The following AVL9 variants were observed in gnomAD, a reference collection of about 807,000 sequenced individuals.
The protein encoded by AVL9 is late secretory pathway protein AVL9 homolog.
A neutral mutation model predicts 79.2 loss-of-function variants in AVL9; 49 were observed. The ratio of observed to expected loss-of-function variants is 0.62; its 90% CI spans 0.49 to 0.79. The LOEUF (loss-of-function observed/expected upper bound fraction) is 0.79. Ranked by LOEUF, AVL9 falls within the 30% of genes least tolerant of loss-of-function variation. The probability of loss-of-function intolerance (pLI) is 0.00; values close to 1 mark genes in which losing one functional copy is unlikely to be tolerated. For missense variants in AVL9, 682 were observed against 776.8 expected (o/e 0.88, Z 1.45); for synonymous variants, 299 against 280.6 (o/e 1.07, Z -0.65).
chr7:32,567,055 A>C (rs1790613707), intron 10 of AVL9, among the ~76,000 whole-genome samples: 1 of 152,226 alleles, frequency 6.6e-6, no homozygotes, highest in South Asian at 2.1e-4. Flanking sequence ...TGCCTCCCCC[A>C]AAAGATGACT....
intron 13 of AVL9, among the ~76,000 whole-genome samples, chr7:32,578,032 C>CAG (rs1791178586): frequency 6.6e-6 from 1 of 152,132 alleles, no homozygotes; most frequent in African/African-American, 2.4e-5. Flanking sequence ...AACCCGCCAA[C>CAG]AGGGTACACA....
chr7:32,519,562 A>G (rs529294381), intron 1 of AVL9, among the ~76,000 whole-genome samples: 5 of 152,368 alleles, frequency 3.3e-5, no homozygotes, highest in Admixed American at 2.6e-4. Context: ...ATTCTCTGCA[A>G]TAGTTTAAAA....
intron 1 of AVL9, among the ~76,000 whole-genome samples, chr7:32,515,043 A>G (rs905867820): frequency 6.6e-6 from 1 of 152,174 alleles, no homozygotes; most frequent in Admixed American, 6.5e-5. Flanking sequence ...GGAGTTTCTT[A>G]TATCTTCCTT....
At chr7:32,505,601 A>G (rs1194564078) in intron 1 of AVL9, among the ~76,000 whole-genome samples, 1 of 152,156 alleles carries the variant, frequency 6.6e-6, no homozygotes, top group African/African-American at 2.4e-5. Context: ...TACTTTTGAA[A>G]GAGGCTTTTC....
At chr7:32,556,792 G>T (rs1048179738) in intron 8 of AVL9, among the ~76,000 whole-genome samples, 1 of 151,918 alleles carries the variant, frequency 6.6e-6, no homozygotes, top group African/African-American at 2.4e-5. Flanking sequence ...TTGAGACAGG[G>T]TATAGCTCTG....
chr7:32,520,708 G>C (rs1323198368), intron 1 of AVL9, among the ~76,000 whole-genome samples: 2 of 152,108 alleles, frequency 1.3e-5, no homozygotes, highest in African/African-American at 4.8e-5. Context: ...GCTGAGAGGG[G>C]CACCTTTTAC....
rs2067890598 is a variant in AVL9, at chr7:32,548,857, T to TAAG, written c.312_314dup (p.Arg105dup). 1 of 1,570,238 alleles carries TAAG rather than the reference T, an allele frequency of 6.4e-7. No homozygotes were observed. Among genetic ancestry groups the TAAG allele is most frequent in the African/African-American group, 1.4e-5 (1 of 73,090 alleles). ...CTTTGTTCATAATAGGCACTGAAAG[T>TAAG]AAGGCAAGCAGATATCACCAGAGAG... On this transcript the variant is annotated inframe_insertion, in exon 4 of 16. Coordinates refer to ENST00000318709, the MANE Select transcript of AVL9 (RefSeq NM_015060.3).
chr7:32,557,442 C>T (rs1202219020), intron 8 of AVL9, among the ~76,000 whole-genome samples: 7 of 152,162 alleles, frequency 4.6e-5, no homozygotes, highest in Non-Finnish European at 1.0e-4. Flanking sequence ...CCACCTTTGT[C>T]TCTTTTTTTG....
chr7:32,573,458 A>G (rs1199125498), intron 12 of AVL9, 40 bp downstream of exon 12: 2 of 1,534,650 alleles, frequency 1.3e-6, no homozygotes, highest in Non-Finnish European at 1.8e-6. Flanking sequence ...CTGTTTTATT[A>G]TAATTTTTCA....
At chr7:32,530,435 T>G (rs1788598099) in intron 1 of AVL9, among the ~76,000 whole-genome samples, 1 of 152,226 alleles carries the variant, frequency 6.6e-6, no homozygotes, top group South Asian at 2.1e-4. Context: ...CATTTCTGAT[T>G]TTCTAAGTTG....
chr7:32,548,693 G>A (rs901634594), intron 3 of AVL9, among the ~76,000 whole-genome samples, 154 bp from the exon 4 acceptor site: 11 of 152,160 alleles, frequency 7.2e-5, no homozygotes, highest in South Asian at 2.1e-4. Flanking sequence ...ACATTTATTT[G>A]TTCAGTATTT....
At chr7:32,580,400 C>T (rs1437946787) in intron 14 of AVL9, 128 bp downstream of exon 14, 2 of 716,988 alleles carry the variant, frequency 2.8e-6, no homozygotes, top group East Asian at 2.7e-5. Context: ...CAAATATGTG[C>T]ATAACATTCT....
At chr7:32,547,463 A>G (rs1463898557) in intron 3 of AVL9, among the ~76,000 whole-genome samples, 1 of 152,138 alleles carries the variant, frequency 6.6e-6, no homozygotes, top group East Asian at 1.9e-4. Context: ...GTTCCTTTTA[A>G]TACCTTTTAT....
At chr7:32,580,918 A>G (rs768492277) in intron 15 of AVL9, 28 bp downstream of exon 15, 6 of 1,539,722 alleles carry the variant, frequency 3.9e-6, no homozygotes. Flanking sequence ...CCAGGAACAA[A>G]TTGGAATCAC....
At chr7:32,546,069 C>CT (rs57046702) in intron 3 of AVL9, among the ~76,000 whole-genome samples, 2,093 of 99,026 alleles carry the variant, frequency 0.021, 48 homozygotes, top group African/African-American at 0.044. Context: ...TACCTGGAGA[C>CT]TTTTTTTTTT....
At chr7:32,552,453 G>A (rs1053880512) in intron 6 of AVL9, among the ~76,000 whole-genome samples, 158 bp downstream of exon 6, 3 of 151,626 alleles carry the variant, frequency 2.0e-5, no homozygotes, top group African/African-American at 7.3e-5. Flanking sequence ...TTCTTAGCCA[G>A]TGTTTATACT....
At chr7:32,534,458 A>G (rs1194078312) in intron 1 of AVL9, 1 of 152,172 alleles carries the variant, frequency 6.6e-6, no homozygotes. Context: ...CATGGGAGAT[A>G]ACTCAGAAAT....
At chr7:32,508,557 G>A (rs1306423923) in intron 1 of AVL9, among the ~76,000 whole-genome samples, 1 of 152,088 alleles carries the variant, frequency 6.6e-6, no homozygotes, top group Non-Finnish European at 1.5e-5. Flanking sequence ...AGCACATCTC[G>A]AATGTTCAGT....
Position 32,573,253 on chromosome 7 carries a change from C to T in AVL9, c.1405C>T (p.Pro469Ser). The change falls in exon 12 of 16, where the codon CCA (proline) becomes TCA (serine). Residue 469 changes from proline to serine, a missense_variant. Transcript: ENST00000318709. Reference protein sequence around the residue: ...HDPELRKLLNPTTADLRFADY... With the variant: ...HDPELRKLLNSTTADLRFADY... ...TCCAGAACTCAGGAAGCTGCTTAAC[C>T]CAACCACTGCAGACCTAAGGTTCGC... is the stretch of plus-strand genomic sequence containing the variant. 5.0e-6 allele frequency: 8 copies of T among 1,613,876 alleles called. No homozygotes were observed. The highest frequency in any genetic ancestry group is 6.8e-6 in the Non-Finnish European group (8 of 1,179,958).
Sources: allele counts gnomAD v4.1 joint callset (sites outside exome capture counted in the v4.1 genomes callset), GRCh38; gene constraint gnomAD v4.1.1; transcripts MANE v1.5; gene names NCBI Gene and HGNC (gene_info 2026-07-23, HGNC 2026-07-21).